The following VPS45 variants were observed in gnomAD, a reference collection of about 807,000 sequenced individuals.
VPS45 encodes vacuolar protein sorting-associated protein 45.
Under a neutral mutation model 75.9 loss-of-function variants are expected in VPS45, and 35 were observed. The observed-to-expected ratio is 0.46, with a 90% CI of 0.35 to 0.61. The LOEUF is 0.61. VPS45 is among the 20% of genes least tolerant of loss of function. VPS45 has a pLI of 0.00. For synonymous variants in VPS45, 220 were observed against 238.2 expected, an observed-to-expected ratio of 0.92 and a Z score of 0.70; for missense variants, 559 against 685.9, an observed-to-expected ratio of 0.81 and a Z score of 2.07.
chr1:150,123,975 AATTACT>A (rs1401151321), intron 14 of VPS45, among the ~76,000 whole-genome samples: 1 of 152,152 alleles, frequency 6.6e-6, no homozygotes, highest in Non-Finnish European at 1.5e-5. Context: ...AGCCAATAAT[AATTACT>A]GTACATAGTA....
chr1:150,131,077 G>A (rs1010299179), intron 14 of VPS45, among the ~76,000 whole-genome samples: 30 of 152,242 alleles, frequency 2.0e-4, no homozygotes, highest in Admixed American at 5.2e-4. Context: ...GGGTGTAAGC[G>A]TTTTTAAGAT....
chr1:150,137,666 G>C (rs1021924751), intron 14 of VPS45, among the ~76,000 whole-genome samples: 8 of 152,256 alleles, frequency 5.3e-5, no homozygotes, highest in African/African-American at 1.9e-4. Flanking sequence ...TGTAATCCTA[G>C]CACTTTTGGA....
chr1:150,129,844 C>T (rs1035910710), intron 14 of VPS45, among the ~76,000 whole-genome samples: 1 of 125,660 alleles, frequency 8.0e-6, no homozygotes, highest in African/African-American at 3.1e-5. Context: ...TGAGCCACCA[C>T]GCCTGGCCAA....
At chr1:150,117,263 T>G (rs1295521327) in intron 14 of VPS45, among the ~76,000 whole-genome samples, 1 of 151,844 alleles carries the variant, frequency 6.6e-6, no homozygotes, top group Non-Finnish European at 1.5e-5. Flanking sequence ...GGGTCATGCC[T>G]GTAATCCCAG....
At chr1:150,121,261 T>C (rs917002465) in intron 14 of VPS45, among the ~76,000 whole-genome samples, 2 of 152,218 alleles carry the variant, frequency 1.3e-5, no homozygotes, top group Non-Finnish European at 2.9e-5. Context: ...TTTGTATTAC[T>C]TCCCTTTTTC....
intron 13 of VPS45, among the ~76,000 whole-genome samples, chr1:150,099,893 G>A (rs781841765): frequency 8.7e-5 from 13 of 150,264 alleles, no homozygotes; most frequent in Non-Finnish European, 1.3e-4. Flanking sequence ...CATACTGAAT[G>A]GGCAAAAGCT....
chr1:150,138,297 C>G (rs1553814401), intron 14 of VPS45, among the ~76,000 whole-genome samples: 2 of 152,070 alleles, frequency 1.3e-5, no homozygotes, highest in Non-Finnish European at 2.9e-5. Flanking sequence ...TGAGGTATTG[C>G]TATGTTGCGC....
intron 10 of VPS45, among the ~76,000 whole-genome samples, chr1:150,083,766 AC>A (rs1249949780): frequency 1.3e-5 from 2 of 151,522 alleles, no homozygotes; most frequent in Non-Finnish European, 2.9e-5. Context: ...AGTCCAGGGT[AC>A]AAGATGAGTG....
intron 13 of VPS45, among the ~76,000 whole-genome samples, chr1:150,099,303 T>C (rs587616365): frequency 1.6e-4 from 24 of 151,826 alleles, no homozygotes; most frequent in Admixed American, 1.2e-3. Context: ...AAAACTAGCC[T>C]GGCCAACATA....
chr1:150,131,108 G>T (rs1278833080), intron 14 of VPS45, among the ~76,000 whole-genome samples: 3 of 152,098 alleles, frequency 2.0e-5, no homozygotes, highest in African/African-American at 7.2e-5. Context: ...TAAACTGCCG[G>T]CCAGAAAAAT....
Position 150,144,693 on chromosome 1 carries a change from T to G in VPS45, c.1626-16T>G. ...CTTTTGTTTTTTCCTTCAAGTAACC[T>G]CAAACTACTTATCAGTTTCCTAGAG... On this transcript the variant is annotated splice_polypyrimidine_tract_variant and intron_variant, in intron 14 of 14. Coordinates refer to ENST00000644510, the MANE Select transcript of VPS45 (RefSeq NM_007259.5). The G allele has an allele frequency of 6.2e-7, 1 of 1,600,452 alleles. No homozygotes were observed. Among genetic ancestry groups the G allele is most frequent in the Non-Finnish European group, 8.5e-7 (1 of 1,172,234 alleles).
chr1:150,092,397 C>G lies in VPS45; in HGVS notation c.1359C>G (p.Leu453=). 1 of 1,614,052 alleles carries G rather than the reference C, an allele frequency of 6.2e-7. No individual in the cohort carries two copies. The highest frequency in any genetic ancestry group is 8.5e-7 in the Non-Finnish European group (1 of 1,179,976). ...CTGTGGCTATCACCAAACAATTCCTCAAAGGACTGAAGGTATAGACATCTC... is the reference window on the plus strand; with the variant it reads ...CTGTGGCTATCACCAAACAATTCCTGAAAGGACTGAAGGTATAGACATCTC... ...KDAVAITKQF[L]KGLKGVENVY... The change falls in exon 12 of 15, where the codon CTC becomes CTG. Residue 453 remains leucine, a synonymous_variant. Transcript: ENST00000644510.
chr1:150,123,137 T>G (rs1297948402), intron 14 of VPS45, among the ~76,000 whole-genome samples: 5 of 152,228 alleles, frequency 3.3e-5, no homozygotes, highest in African/African-American at 4.8e-5. Context: ...CTTTTGTGAC[T>G]GGCTTCTTTC....
intron 14 of VPS45, among the ~76,000 whole-genome samples, chr1:150,135,358 G>A (rs1659020928): frequency 6.6e-6 from 1 of 151,954 alleles, no homozygotes; most frequent in Non-Finnish European, 1.5e-5. Context: ...TGCCTCCCAG[G>A]TTCAAGTGAT....
At chr1:150,122,069 C>T in intron 14 of VPS45, among the ~76,000 whole-genome samples, 1 of 152,082 alleles carries the variant, frequency 6.6e-6, no homozygotes, top group East Asian at 1.9e-4. Flanking sequence ...ACCTATAATC[C>T]CAGCACTTTG....
intron 9 of VPS45, 112 bp from the exon 10 acceptor site, chr1:150,082,604 G>A: frequency 7.6e-7 from 1 of 1,322,880 alleles, no homozygotes; most frequent in Non-Finnish European, 1.0e-6. Context: ...AGTTGTAGAT[G>A]CTTTAATCTG....
intron 14 of VPS45, among the ~76,000 whole-genome samples, chr1:150,128,258 C>T (rs1658619608): frequency 1.3e-5 from 2 of 150,030 alleles, no homozygotes; most frequent in South Asian, 2.1e-4. Flanking sequence ...GTCAAGTTCG[C>T]GCCACTGCAC....
At chr1:150,140,051 G>A (rs1278857747) in intron 14 of VPS45, among the ~76,000 whole-genome samples, 3 of 151,956 alleles carry the variant, frequency 2.0e-5, no homozygotes, top group Admixed American at 6.6e-5. Flanking sequence ...GCACCACCAC[G>A]CCTGGCTAAT....
At chr1:150,082,057 CA>C in intron 9 of VPS45, 60 bp downstream of exon 9, 1 of 1,106,580 alleles carries the variant, frequency 9.0e-7, no homozygotes, top group Non-Finnish European at 1.3e-6. Context: ...TTCATGTAAG[CA>C]ACACTTTTGG....
Sources: allele counts gnomAD v4.1 joint callset (sites outside exome capture counted in the v4.1 genomes callset), GRCh38; gene constraint gnomAD v4.1.1; transcripts MANE v1.5; gene names NCBI Gene and HGNC (gene_info 2026-07-23, HGNC 2026-07-21).